Variants in ZZZ3 observed in about 807,000 individuals in gnomAD.
ZZZ3 encodes zinc finger ZZ-type containing 3, also known as ZZ-type zinc finger-containing protein 3.
ZZZ3 carries 22 observed loss-of-function variants against 95.2 expected under a neutral mutation model. The ratio of observed to expected loss-of-function variants is 0.23; its 90% confidence interval spans 0.17 to 0.33. ZZZ3 has a LOEUF of 0.33. ZZZ3 is among the 10% of genes least tolerant of loss of function. The pLI is 1.00. For synonymous variants in ZZZ3, 335 were observed against 358.9 expected, an observed-to-expected ratio of 0.93 and a Z score of 0.75; for missense variants, 885 against 1,066.5, an observed-to-expected ratio of 0.83 and a Z score of 2.37.
At chr1:77,634,181 A>AAT (rs1436859303) in intron 4 of ZZZ3, among the ~76,000 whole-genome samples, 2 of 151,976 alleles carry the variant, frequency 1.3e-5, no homozygotes. Flanking sequence ...AAAATAAATA[A>AAT]ATAAATAAAT....
intron 12 of ZZZ3, among the ~76,000 whole-genome samples, chr1:77,575,249 C>T (rs1441302319): frequency 6.6e-6 from 1 of 152,158 alleles, no homozygotes; most frequent in Non-Finnish European, 1.5e-5. Flanking sequence ...ATATGTACCT[C>T]AGAGTAACCA....
At chr1:77,653,462 T>C (rs1669984871) in intron 1 of ZZZ3, among the ~76,000 whole-genome samples, 1 of 152,192 alleles carries the variant, frequency 6.6e-6, no homozygotes, top group Admixed American at 6.5e-5. Flanking sequence ...TTTTAAAAGA[T>C]AAGAGAATCG....
intron 6 of ZZZ3, among the ~76,000 whole-genome samples, chr1:77,583,711 A>C (rs1455921279): frequency 1.3e-5 from 2 of 152,204 alleles, no homozygotes; most frequent in Admixed American, 1.3e-4. Context: ...TTGTCATACA[A>C]GATAAGGTTT....
intron 1 of ZZZ3, among the ~76,000 whole-genome samples, chr1:77,680,232 T>C (rs1220036715): frequency 6.6e-6 from 1 of 152,250 alleles, no homozygotes; most frequent in Non-Finnish European, 1.5e-5. Flanking sequence ...CTAGCAATTC[T>C]GTGAATAGAC....
At chr1:77,574,217 T>C (rs893949837) in intron 12 of ZZZ3, among the ~76,000 whole-genome samples, 1 of 149,732 alleles carries the variant, frequency 6.7e-6, no homozygotes, top group Non-Finnish European at 1.5e-5. Context: ...AATAAAGAAC[T>C]GAAAAACAAA....
At chr1:77,659,504 T>C (rs887952076) in intron 1 of ZZZ3, among the ~76,000 whole-genome samples, 39 of 151,664 alleles carry the variant, frequency 2.6e-4, no homozygotes, top group African/African-American at 7.3e-5. Flanking sequence ...CTGGCCAACA[T>C]GGTAAAACCC....
At chr1:77,607,757 C>A (rs1665392352) in intron 5 of ZZZ3, among the ~76,000 whole-genome samples, 1 of 151,684 alleles carries the variant, frequency 6.6e-6, no homozygotes, top group African/African-American at 2.4e-5. Context: ...CCTTATCTCT[C>A]CTAAAAATAC....
At chr1:77,669,560 C>T (rs926032780) in intron 1 of ZZZ3, among the ~76,000 whole-genome samples, 1 of 150,128 alleles carries the variant, frequency 6.7e-6, no homozygotes, top group African/African-American at 2.5e-5. Flanking sequence ...TGGGTTCAAG[C>T]GATTCTCCTG....
chr1:77,644,961 G>A (rs995084838), intron 1 of ZZZ3, among the ~76,000 whole-genome samples: 26 of 152,262 alleles, frequency 1.7e-4, no homozygotes, highest in South Asian at 6.2e-4. Context: ...AATGGCTCAC[G>A]CTGGTCATCT....
intron 1 of ZZZ3, among the ~76,000 whole-genome samples, chr1:77,644,927 A>C (rs1669116657): frequency 6.6e-6 from 1 of 152,198 alleles, no homozygotes; most frequent in African/African-American, 2.4e-5. Flanking sequence ...TTTCTTCTAA[A>C]ACTTTAGTGT....
At chr1:77,676,428 A>G (rs1374903080) in intron 1 of ZZZ3, among the ~76,000 whole-genome samples, 1 of 152,210 alleles carries the variant, frequency 6.6e-6, no homozygotes, top group Non-Finnish European at 1.5e-5. Flanking sequence ...TCAGCTTCCC[A>G]AAGTGTTGGG....
At chr1:77,579,700 C>T (rs751855838) in intron 9 of ZZZ3, 72 bp from the exon 10 acceptor site, 173 of 881,288 alleles carry the variant, frequency 2.0e-4, no homozygotes, top group Non-Finnish European at 2.8e-4. Flanking sequence ...TAAATAAATA[C>T]ATTCACATTT....
chr1:77,602,443 A>G (rs1040384407), intron 5 of ZZZ3, among the ~76,000 whole-genome samples: 6 of 152,300 alleles, frequency 3.9e-5, no homozygotes, highest in African/African-American at 1.4e-4. Context: ...TATAATCTAA[A>G]GCATTGGGGT....
At chr1:77,644,453 A>AG (rs1227310912) in intron 1 of ZZZ3, among the ~76,000 whole-genome samples, 55 of 152,310 alleles carry the variant, frequency 3.6e-4, no homozygotes, top group African/African-American at 1.3e-3. Flanking sequence ...ATAATCAAAG[A>AG]AGAGTACATT....
intron 1 of ZZZ3, among the ~76,000 whole-genome samples, chr1:77,681,320 CTT>C (rs1219336016): frequency 1.3e-5 from 2 of 152,054 alleles, no homozygotes; most frequent in African/African-American, 4.8e-5. Flanking sequence ...AAAAAAAACA[CTT>C]TTGTAGTTTT....
chr1:77,666,278 C>T (rs963351212), intron 1 of ZZZ3, among the ~76,000 whole-genome samples: 3 of 152,204 alleles, frequency 2.0e-5, no homozygotes, highest in African/African-American at 7.2e-5. Context: ...CCTGTAATCC[C>T]AGCACTTTGG....
chr1:77,587,479 T>G (rs1362535806), intron 5 of ZZZ3, among the ~76,000 whole-genome samples: 1 of 152,088 alleles, frequency 6.6e-6, no homozygotes, highest in East Asian at 1.9e-4. Flanking sequence ...TTAGCCAGGA[T>G]GTTCTCGATC....
At chr1:77,610,879 A>G (rs972111134) in intron 5 of ZZZ3, among the ~76,000 whole-genome samples, 1 of 152,056 alleles carries the variant, frequency 6.6e-6, no homozygotes, top group African/African-American at 2.4e-5. Flanking sequence ...CTCAAGGGTG[A>G]AAAGTTGAAT....
chr1:77,592,179 G>A (rs1663767940), intron 5 of ZZZ3, among the ~76,000 whole-genome samples: 1 of 152,096 alleles, frequency 6.6e-6, no homozygotes, highest in Admixed American at 6.5e-5. Flanking sequence ...GCCCTGGACT[G>A]GGACACAACT....
Sources: gnomAD v4.1 joint callset for allele counts (sites outside exome capture counted in the v4.1 genomes callset) on GRCh38, gnomAD v4.1.1 for gene constraint, MANE v1.5 for transcripts, NCBI Gene and HGNC (gene_info 2026-07-23, HGNC 2026-07-21) for gene names.